CNGB3: variants seen among roughly 807,000 people sequenced by gnomAD.
CNGB3 encodes cyclic nucleotide gated channel subunit beta 3.
In CNGB3, 86 loss-of-function variants were observed where a neutral mutation model predicts 92.8. That is an observed-to-expected ratio of 0.93 (90% CI 0.78 to 1.11). The LOEUF (loss-of-function observed/expected upper bound fraction) is 1.11. CNGB3 is among the 50% of genes least tolerant of loss of function. The pLI is 0.00. For synonymous variants in CNGB3, 333 were observed against 332.7 expected, an observed-to-expected ratio of 1.00 and a Z score of -0.01; for missense variants, 1,026 against 956.8, an observed-to-expected ratio of 1.07 and a Z score of -0.95.
intron 15 of CNGB3, among the ~76,000 whole-genome samples, chr8:86,603,462 G>A (rs868283292): frequency 6.6e-6 from 1 of 152,028 alleles, no homozygotes; most frequent in Admixed American, 6.6e-5. Context: ...TCTTGTTCTA[G>A]GATAAACTTT....
rs372339119 is a variant in CNGB3, at chr8:86,597,918, C to T, written c.1781+6175G>A. ...ACTTGAACATGGGAAGTGGAGGTTGCAGTCAGCCGAGATGGTGCCACTGAA... is the reference window on the plus strand; with the variant it reads ...ACTTGAACATGGGAAGTGGAGGTTGTAGTCAGCCGAGATGGTGCCACTGAA... On this transcript the variant is annotated intron_variant, in intron 15 of 17. Transcript: ENST00000320005. 1.0e-3 allele frequency among the ~76,000 whole-genome samples: 157 copies of T among 152,132 alleles called. 2 individuals carry two copies. The highest frequency in any genetic ancestry group is 3.6e-3 in the African/African-American group (149 of 41,506).
intron 10 of CNGB3, among the ~76,000 whole-genome samples, chr8:86,634,264 A>T (rs183402210): frequency 1.6e-4 from 25 of 152,304 alleles, no homozygotes; most frequent in African/African-American, 5.1e-4. Flanking sequence ...AATAAATTAC[A>T]TGAGATATTC....
chr8:86,733,571 C>T (rs983837363), intron 2 of CNGB3, among the ~76,000 whole-genome samples: 9 of 152,158 alleles, frequency 5.9e-5, no homozygotes, highest in Non-Finnish European at 1.0e-4. Flanking sequence ...GGTCTCTCTT[C>T]CCACCTTATC....
chr8:86,626,409 AG>A (rs1822849312), intron 12 of CNGB3, among the ~76,000 whole-genome samples: 1 of 152,208 alleles, frequency 6.6e-6, no homozygotes, highest in South Asian at 2.1e-4. Flanking sequence ...GCATGGCTGA[AG>A]GATCTAGTTC....
intron 6 of CNGB3, chr8:86,661,366 T>A (rs1298763223): frequency 2.5e-6 from 1 of 406,082 alleles, no homozygotes; most frequent in East Asian, 5.8e-5. Flanking sequence ...TGCCAGAAGA[T>A]AAAAATCATG....
Position 86,632,780 on chromosome 8 carries a change from A to G in CNGB3, c.1292T>C (p.Val431Ala). The change falls in exon 11 of 18, where the codon GTT becomes GCT. Residue 431 changes from valine to alanine, a missense_variant. Physicochemically the swap from Val to Ala is moderately conservative, Grantham distance 64. Transcript: ENST00000320005. ...ACCAATTAAACTGGAGAACACAAAA[A>G]CTCCAGAAAAAAAATTCAAGAGTTG... ...VFQLLNFFSG[V>A]FVFSSLIGQM... The G allele has an allele frequency of 5.0e-6, 8 of 1,613,062 alleles. No individual in the cohort carries two copies. The highest frequency in any genetic ancestry group is 5.9e-6 in the Non-Finnish European group (7 of 1,179,772).
At chr8:86,728,536 G>A (rs1286731526) in intron 2 of CNGB3, among the ~76,000 whole-genome samples, 1 of 152,168 alleles carries the variant, frequency 6.6e-6, no homozygotes, top group Admixed American at 6.5e-5. Context: ...ATTGCTGTCT[G>A]TGAAAGTGGC....
chr8:86,726,783 G>A (rs1825067868), intron 2 of CNGB3, 126 bp from the exon 3 acceptor site: 2 of 1,064,682 alleles, frequency 1.9e-6, no homozygotes, highest in Admixed American at 1.8e-5. Flanking sequence ...CACCTCCCCT[G>A]GGACTTCTGC....
At chr8:86,702,181 G>A (rs986563434) in intron 3 of CNGB3, among the ~76,000 whole-genome samples, 2 of 152,186 alleles carry the variant, frequency 1.3e-5, no homozygotes, top group Admixed American at 1.3e-4. Context: ...AGCTGTTTGA[G>A]GCTAGAGGCA....
intron 15 of CNGB3, among the ~76,000 whole-genome samples, chr8:86,580,715 C>T (rs985969042): frequency 6.6e-6 from 1 of 152,146 alleles, no homozygotes; most frequent in Non-Finnish European, 1.5e-5. Context: ...TCTGTCGTTA[C>T]CGGTGATCTG....
chr8:86,620,506 G>C (rs1822703332), intron 13 of CNGB3, among the ~76,000 whole-genome samples: 1 of 152,056 alleles, frequency 6.6e-6, no homozygotes, highest in South Asian at 2.1e-4. Context: ...ATTGAATTAG[G>C]ACCCATCCTC....
intron 3 of CNGB3, among the ~76,000 whole-genome samples, chr8:86,677,619 A>G (rs528664639): frequency 6.6e-6 from 1 of 152,314 alleles, no homozygotes; most frequent in African/African-American, 2.4e-5. Flanking sequence ...ACGGCATAGC[A>G]TAAGAAAAGG....
At chr8:86,624,513 T>C (rs1411969496) in intron 13 of CNGB3, among the ~76,000 whole-genome samples, 1 of 152,134 alleles carries the variant, frequency 6.6e-6, no homozygotes, top group Non-Finnish European at 1.5e-5. Flanking sequence ...TTTTCACTCT[T>C]CTCTGACTAC....
intron 14 of CNGB3, 40 bp from the exon 15 acceptor site, chr8:86,604,251 T>C: frequency 1.6e-6 from 2 of 1,229,688 alleles, no homozygotes; most frequent in South Asian, 1.2e-5. Flanking sequence ...AGTTACTTTA[T>C]TCTTGATAAT....
chr8:86,629,961 G>A (rs949218558), intron 11 of CNGB3, among the ~76,000 whole-genome samples: 4 of 152,096 alleles, frequency 2.6e-5, no homozygotes, highest in Non-Finnish European at 5.9e-5. Flanking sequence ...ACACTCCTAA[G>A]ACTTTGCTCA....
intron 3 of CNGB3, among the ~76,000 whole-genome samples, chr8:86,722,759 T>G (rs1245169265): frequency 1.3e-5 from 2 of 152,112 alleles, no homozygotes; most frequent in African/African-American, 4.8e-5. Flanking sequence ...ACATTGGTCT[T>G]TTTCTGACTT....
At chr8:86,662,595 G>A (rs2131611116) in intron 6 of CNGB3, among the ~76,000 whole-genome samples, 1 of 152,332 alleles carries the variant, frequency 6.6e-6, no homozygotes, top group African/African-American at 2.4e-5. Context: ...AGCCAGGTGG[G>A]AGGGGGTTGC....
intron 6 of CNGB3, chr8:86,657,913 C>T (rs1453465224): frequency 9.1e-6 from 5 of 548,466 alleles, no homozygotes; most frequent in Non-Finnish European, 7.3e-6. Context: ...CCTCTGACCA[C>T]CGTGCAGCTC....
chr8:86,690,447 TC>T (rs1197683717), intron 3 of CNGB3, among the ~76,000 whole-genome samples: 1 of 152,220 alleles, frequency 6.6e-6, no homozygotes, highest in Non-Finnish European at 1.5e-5. Flanking sequence ...CTTTGTAGAT[TC>T]TAGATATTAG....
Sources: gnomAD v4.1 joint callset for allele counts (sites outside exome capture counted in the v4.1 genomes callset) on GRCh38, gnomAD v4.1.1 for gene constraint, MANE v1.5 for transcripts, NCBI Gene and HGNC (gene_info 2026-07-23, HGNC 2026-07-21) for gene names.